Variants in APOOL observed in about 807,000 individuals in gnomAD.
The protein encoded by APOOL is MICOS complex subunit MIC27.
APOOL carries 12 observed loss-of-function variants against 23.1 expected under a neutral mutation model. The observed-to-expected ratio is 0.52, with a 90% CI of 0.33 to 0.84. The LOEUF is 0.84. Among genes scored for constraint, APOOL ranks in the 40% least tolerant of loss-of-function variants. The pLI is 0.02. For missense variants in APOOL, 212 were observed against 199.6 expected (o/e 1.06, Z -0.37); for synonymous variants, 77 against 69.9 (o/e 1.10, Z -0.51).
intron 1 of APOOL, among the ~76,000 whole-genome samples, chrX:85,044,764 C>A (rs1922517898): frequency 9.0e-6 from 1 of 111,364 alleles, no homozygotes; most frequent in Admixed American, 9.6e-5. Flanking sequence ...ATTAGTAAAT[C>A]CATAATCTGG....
rs375267887 is a variant in APOOL, at chrX:85,088,093, CAT to C, written c.*419_*420del. The C allele has an allele frequency of 0.072, 89 of 1,241 alleles. No homozygotes were observed. The highest frequency in any genetic ancestry group is 0.29 in the South Asian group (2 of 7). 0.1% of individuals were successfully genotyped at this position (1,241 alleles called of 1,213,427 possible). A position where few individuals can be genotyped will look rare whatever the true frequency, so the allele number is the denominator to read the frequency against. On this transcript the variant is annotated 3_prime_UTR_variant, in exon 9 of 9. Coordinates refer to ENST00000373173, the MANE Select transcript of APOOL (RefSeq NM_198450.6). ...ATACATATACATATATGTATAAATA[CAT>C]ATACATATTTATACATATATGTATA... is the stretch of plus-strand genomic sequence containing the variant.
chrX:85,018,503 A>G (rs1287549540), intron 1 of APOOL, among the ~76,000 whole-genome samples: 1 of 111,802 alleles, frequency 8.9e-6, no homozygotes, highest in East Asian at 2.8e-4. Flanking sequence ...ACATTTCAAC[A>G]TGAGATTTGG....
chrX:85,068,372 A>C (rs1923540946), intron 6 of APOOL, among the ~76,000 whole-genome samples: 1 of 103,926 alleles, frequency 9.6e-6, no homozygotes, highest in Non-Finnish European at 2.0e-5. Flanking sequence ...CTCCCAGTGG[A>C]TGATGCTTCC....
rs1924446019 is a variant in APOOL at position 85,088,596 on chromosome X, G to A, written c.*918G>A. On this transcript the variant is annotated 3_prime_UTR_variant, in exon 9 of 9. Coordinates refer to ENST00000373173, the MANE Select transcript of APOOL (RefSeq NM_198450.6). Reference sequence around the variant, plus strand: ...TATTCTTCTCAAGCCTCTTAGAACTGTCAAAGTTGACTGTGCCTCCTATTT... The same window carrying A: ...TATTCTTCTCAAGCCTCTTAGAACTATCAAAGTTGACTGTGCCTCCTATTT... The A allele has an allele frequency of 9.1e-6, 1 of 109,336 alleles. No individual in the cohort carries two copies. The highest frequency in any genetic ancestry group is 9.9e-5 in the Admixed American group (1 of 10,062). The allele number at this position is 109,336 out of a possible 1,213,427, so 9.0% of individuals were successfully genotyped here.
intron 1 of APOOL, among the ~76,000 whole-genome samples, chrX:85,026,718 T>A (rs1453732380): frequency 8.9e-6 from 1 of 111,759 alleles, no homozygotes; most frequent in Non-Finnish European, 1.9e-5. Context: ...CCAAGTTCTT[T>A]ACTAAGGCAT....
In APOOL at chrX:85,087,705, G is replaced by C. The variant is rs983361818; in HGVS notation, c.*27G>C. The C allele has an allele frequency of 2.7e-6, 3 of 1,095,387 alleles. No homozygotes were observed. The highest frequency in any genetic ancestry group is 6.4e-5 in the East Asian group (2 of 31,031). 90.3% of individuals were successfully genotyped at this position (1,095,387 alleles called of 1,213,427 possible). A position where few individuals can be genotyped will look rare whatever the true frequency, so the allele number is the denominator to read the frequency against. On this transcript the variant is annotated 3_prime_UTR_variant, in exon 9 of 9. Coordinates refer to ENST00000373173, the MANE Select transcript of APOOL (RefSeq NM_198450.6). The stretch of plus-strand genomic sequence containing the variant: ...GTAGACTGCATGCAGAGACTACACA[G>C]AAAACTACAAGATGTGTGGCGTTGC...
At chrX:85,005,675 T>C (rs1569451909) in intron 1 of APOOL, among the ~76,000 whole-genome samples, 1 of 111,539 alleles carries the variant, frequency 9.0e-6, no homozygotes, top group African/African-American at 3.3e-5. Flanking sequence ...ATGTTCTACA[T>C]GAATAAAGTG....
At chrX:85,082,455 A>C (rs1281948537) in intron 8 of APOOL, among the ~76,000 whole-genome samples, 3 of 111,092 alleles carry the variant, frequency 2.7e-5, no homozygotes, top group African/African-American at 9.8e-5. Context: ...AGAACAGAAA[A>C]TATTGCTGCC....
rs186421398 is a variant in APOOL, at chrX:85,068,696, G to A, written c.486+1478G>A. ...GCTGGGATTACAGGCGTGAGCCACC[G>A]TGCCCGGCCCTGATTCTTCTTTTTT... On this transcript the variant is annotated intron_variant, in intron 6 of 8. Coordinates refer to ENST00000373173, the MANE Select transcript of APOOL (RefSeq NM_198450.6). 7.3e-3 allele frequency among the ~76,000 whole-genome samples: 809 copies of A among 111,305 alleles called. 7 individuals are homozygous for A. Among genetic ancestry groups the A allele is most frequent in the Non-Finnish European group, 0.011 (572 of 53,042 alleles).
Position 85,067,115 on chromosome X carries a change from T to C in APOOL, c.395-12T>C. The C allele has an allele frequency of 9.2e-7, 1 of 1,088,618 alleles. No individual in the cohort carries two copies. The highest frequency in any genetic ancestry group is 2.0e-5 in the South Asian group (1 of 48,869). The allele number at this position is 1,088,618 out of a possible 1,213,427, so 89.7% of individuals were successfully genotyped here. A position where few individuals can be genotyped will look rare whatever the true frequency, so the allele number is the denominator to read the frequency against. On this transcript the variant is annotated splice_polypyrimidine_tract_variant and intron_variant, in intron 5 of 8. Transcript: ENST00000373173. ...TATATTTGGAGTTTAATAATATATT[T>C]GCATTTTATAGGTTCCAAGTTTAAG...
intron 1 of APOOL, among the ~76,000 whole-genome samples, chrX:85,043,028 C>A (rs2147642315): frequency 9.0e-6 from 1 of 111,268 alleles, no homozygotes; most frequent in Admixed American, 9.6e-5. Context: ...TAACAAGAAT[C>A]AGCTATATTT....
At chrX:85,026,626 C>G (rs768617319) in intron 1 of APOOL, among the ~76,000 whole-genome samples, 1 of 112,474 alleles carries the variant, frequency 8.9e-6, no homozygotes, top group East Asian at 2.8e-4. Context: ...CACATCACTT[C>G]TTGAATGCTT....
intron 1 of APOOL, among the ~76,000 whole-genome samples, chrX:85,036,535 G>C (rs1396489576): frequency 1.8e-5 from 2 of 111,258 alleles, no homozygotes; most frequent in East Asian, 5.6e-4. Flanking sequence ...GCACATCCTT[G>C]TCTTATTATA....
rs1924399178 is a variant in APOOL at position 85,088,125 on chromosome X, CATACATATTT to C, written c.*456_*465del. The C allele has an allele frequency of 3.7e-4, 4 of 10,883 alleles. No individual in the cohort carries two copies. The highest frequency in any genetic ancestry group is 1.3e-3 in the Admixed American group (1 of 793). 0.9% of individuals were successfully genotyped at this position (10,883 alleles called of 1,213,427 possible). On this transcript the variant is annotated 3_prime_UTR_variant, in exon 9 of 9. Transcript: ENST00000373173. Reference sequence around the variant, plus strand: ...ATATTTATACATATATGTATAAATACATACATATTTATACATATATGTATAAATACATACA... The same window carrying C: ...ATATTTATACATATATGTATAAATACATACATATATGTATAAATACATACA...
chrX:85,006,512 A>G (rs1199294656), intron 1 of APOOL, among the ~76,000 whole-genome samples: 1 of 109,502 alleles, frequency 9.1e-6, no homozygotes, highest in Non-Finnish European at 1.9e-5. Context: ...AAGGAACAAA[A>G]TCTTGGAATG....
chrX:85,072,539 T>C (rs1359659393), intron 6 of APOOL, among the ~76,000 whole-genome samples: 1 of 111,103 alleles, frequency 9.0e-6, no homozygotes. Context: ...TGTATAAGGA[T>C]GCTAATTTCA....
At chrX:85,048,727 C>G (rs1922660387) in intron 2 of APOOL, among the ~76,000 whole-genome samples, 1 of 112,004 alleles carries the variant, frequency 8.9e-6, no homozygotes, top group Non-Finnish European at 1.9e-5. Flanking sequence ...ATGAAGTGTT[C>G]TGGTTATTTG....
intron 1 of APOOL, among the ~76,000 whole-genome samples, chrX:85,039,253 C>T (rs1244235209): frequency 1.9e-4 from 21 of 108,057 alleles, no homozygotes; most frequent in African/African-American, 4.7e-4. Flanking sequence ...TTTAATTGCA[C>T]GTGGTCTGAG....
In APOOL at chrX:85,088,544, TC is replaced by T. The variant is rs1308385019; in HGVS notation, c.*869del. ...GTTCCTAAGTGGTTTACTATTGTGT[TC>T]CCTGGAAGAGGTATTACAAACGTTT... On this transcript the variant is annotated 3_prime_UTR_variant, in exon 9 of 9. Coordinates refer to ENST00000373173, the MANE Select transcript of APOOL (RefSeq NM_198450.6). The T allele has an allele frequency of 7.4e-5, 8 of 108,578 alleles. No homozygotes were observed. Among genetic ancestry groups the T allele is most frequent in the African/African-American group, 2.7e-4 (8 of 29,874 alleles). 8.9% of individuals were successfully genotyped at this position (108,578 alleles called of 1,213,427 possible).
Sources: allele counts gnomAD v4.1 joint callset (sites outside exome capture counted in the v4.1 genomes callset), GRCh38; gene constraint gnomAD v4.1.1; transcripts MANE v1.5; gene names NCBI Gene and HGNC (gene_info 2026-07-23, HGNC 2026-07-21).